TRAPPC9: variants seen among roughly 807,000 people sequenced by gnomAD.
TRAPPC9 encodes the protein trafficking protein particle complex subunit 9, also known as IKK2 binding protein.
Under a neutral mutation model 124.0 loss-of-function variants are expected in TRAPPC9, and 83 were observed. The observed-to-expected ratio is 0.67, with a 90% CI of 0.56 to 0.80. The LOEUF (loss-of-function observed/expected upper bound fraction) is 0.80. TRAPPC9 is among the 30% of genes least tolerant of loss of function. The pLI, the probability that TRAPPC9 is intolerant of heterozygous loss-of-function variation, is 0.00. For missense variants in TRAPPC9, 1,302 were observed against 1,508.3 expected, an observed-to-expected ratio of 0.86 and a Z score of 2.27; for synonymous variants, 638 against 617.5, an observed-to-expected ratio of 1.03 and a Z score of -0.49.
At chr8:140,127,286 C>T (rs943138324) in intron 17 of TRAPPC9, among the ~76,000 whole-genome samples, 2 of 152,186 alleles carry the variant, frequency 1.3e-5, no homozygotes, top group African/African-American at 4.8e-5. Context: ...GGGCTCAGGA[C>T]ATATTTATCC....
intron 19 of TRAPPC9, among the ~76,000 whole-genome samples, chr8:139,922,496 T>C (rs556938907): frequency 1.3e-5 from 2 of 152,332 alleles, no homozygotes; most frequent in East Asian, 3.9e-4. Flanking sequence ...ATGGGTTTTG[T>C]CTTCACAAAG....
intron 19 of TRAPPC9, among the ~76,000 whole-genome samples, chr8:139,915,947 T>C (rs983672907): frequency 6.6e-6 from 1 of 152,264 alleles, no homozygotes; most frequent in Non-Finnish European, 1.5e-5. Context: ...TGAATGCACT[T>C]GGCACTTTGA....
intron 21 of TRAPPC9, among the ~76,000 whole-genome samples, chr8:139,737,703 T>C (rs1818292796): frequency 6.6e-6 from 1 of 152,200 alleles, no homozygotes; most frequent in Admixed American, 6.5e-5. Flanking sequence ...CCCAGGCTCC[T>C]GATTGGCTGG....
intron 6 of TRAPPC9, among the ~76,000 whole-genome samples, chr8:140,404,792 GTA>G (rs1280433660): frequency 2.0e-5 from 3 of 151,612 alleles, no homozygotes; most frequent in Admixed American, 6.6e-5. Flanking sequence ...ATGCTTGTAT[GTA>G]TGTGTGTGTG....
intron 17 of TRAPPC9, among the ~76,000 whole-genome samples, chr8:140,195,648 ACACT>A (rs1259152058): frequency 4.6e-5 from 7 of 151,958 alleles, no homozygotes; most frequent in Non-Finnish European, 5.9e-5. Context: ...ACACTAAAAC[ACACT>A]CAATGATCCA....
intron 21 of TRAPPC9, among the ~76,000 whole-genome samples, chr8:139,753,032 T>C (rs910392532): frequency 2.1e-5 from 3 of 146,188 alleles, no homozygotes; most frequent in African/African-American, 7.8e-5. Flanking sequence ...CATCCATCCA[T>C]CCAACATCTA....
At chr8:140,221,965 ATG>A (rs2063347182) in intron 16 of TRAPPC9, among the ~76,000 whole-genome samples, 2 of 152,278 alleles carry the variant, frequency 1.3e-5, no homozygotes, top group South Asian at 4.1e-4. Flanking sequence ...CAGCTGCCTG[ATG>A]TGTCCTCCAT....
upstream of TRAPPC9, chr8:140,458,174 G>C: frequency 6.5e-7 from 1 of 1,541,958 alleles, no homozygotes; most frequent in African/African-American, 1.4e-5. Flanking sequence ...GAGATGGAGC[G>C]AGGAGGGAGG....
In TRAPPC9 at chr8:140,179,579, A is replaced by G. The variant is rs191643968; in HGVS notation, c.2556+41880T>C. Among the ~76,000 whole-genome samples the G allele has an allele frequency of 1.5e-3, 227 of 152,234 alleles. 1 individual carries two copies. Among genetic ancestry groups the G allele is most frequent in the African/African-American group, 5.2e-3 (216 of 41,580 alleles). On this transcript the variant is annotated intron_variant, in intron 17 of 22. Coordinates refer to ENST00000438773, the MANE Select transcript of TRAPPC9 (RefSeq NM_001160372.4). ...GTTGTTAAGCAATCTAGAAATGTGA[A>G]CTAGATCAAATTGGTTGTGAGTGTC...
chr8:139,957,906 T>C (rs1375987201), intron 19 of TRAPPC9, among the ~76,000 whole-genome samples: 1 of 152,252 alleles, frequency 6.6e-6, no homozygotes, highest in African/African-American at 2.4e-5. Flanking sequence ...TGACGTCGTT[T>C]CTGTTCCCAA....
rs903515035 is a variant in TRAPPC9, at chr8:139,824,427, C to T, written c.3055+61452G>A. On this transcript the variant is annotated intron_variant, in intron 21 of 22. Coordinates refer to ENST00000438773, the MANE Select transcript of TRAPPC9 (RefSeq NM_001160372.4). ...GGAGCTGCCAGGGCCACAGGAGAGG[C>T]AGTGGAGCACGTCGGGCGGTGGAGG... is the stretch of plus-strand genomic sequence containing the variant. Among the ~76,000 whole-genome samples, 4 of 152,176 alleles carry T rather than the reference C, an allele frequency of 2.6e-5. No individual in the cohort carries two copies. In the East Asian group the frequency reaches 7.7e-4, roughly 29 times the overall value.
intron 19 of TRAPPC9, among the ~76,000 whole-genome samples, chr8:139,973,322 T>C (rs1836224202): frequency 1.3e-5 from 2 of 152,140 alleles, no homozygotes; most frequent in Non-Finnish European, 2.9e-5. Context: ...CCCTGGACAG[T>C]CCAGGTTTAG....
chr8:140,319,979 T>C (rs117475220), intron 9 of TRAPPC9, among the ~76,000 whole-genome samples: 2,458 of 152,272 alleles, frequency 0.016, 22 homozygotes, highest in South Asian at 0.034. Flanking sequence ...TTCAGTCAGT[T>C]ATGGTACTCT....
At chr8:140,122,879 G>C (rs2061013507) in intron 17 of TRAPPC9, among the ~76,000 whole-genome samples, 1 of 152,202 alleles carries the variant, frequency 6.6e-6, no homozygotes, top group African/African-American at 2.4e-5. Context: ...TGAGGCTGGG[G>C]TCAGAAACAT....
At chr8:139,969,623 A>T (rs370486429) in intron 19 of TRAPPC9, among the ~76,000 whole-genome samples, 2 of 152,298 alleles carry the variant, frequency 1.3e-5, no homozygotes, top group East Asian at 3.9e-4. Context: ...TGCAGCTAAC[A>T]CTGAAGGGCT....
intron 21 of TRAPPC9, among the ~76,000 whole-genome samples, chr8:139,814,718 GAAAGGAAAGGAA>G (rs953072669): frequency 4.6e-5 from 7 of 151,452 alleles, no homozygotes; most frequent in African/African-American, 9.8e-5. Flanking sequence ...AAAAAGAAAG[GAAAGGAAAGGAA>G]AAAGGAAAGG....
intron 7 of TRAPPC9, among the ~76,000 whole-genome samples, chr8:140,380,971 G>A (rs565401687): frequency 2.7e-4 from 41 of 152,134 alleles, no homozygotes; most frequent in African/African-American, 9.9e-4. Flanking sequence ...CTGGGAGGCC[G>A]AGGCAGGTGG....
intron 9 of TRAPPC9, among the ~76,000 whole-genome samples, chr8:140,332,661 T>G (rs1190782694): frequency 6.6e-6 from 1 of 151,854 alleles, no homozygotes; most frequent in African/African-American, 2.4e-5. Flanking sequence ...AGATAATAAA[T>G]TATTAGAATC....
chr8:139,859,595 A>G (rs1828005068), intron 21 of TRAPPC9, among the ~76,000 whole-genome samples: 1 of 152,194 alleles, frequency 6.6e-6, no homozygotes, highest in Admixed American at 6.5e-5. Flanking sequence ...AACCGGAGAC[A>G]CTCAGCCTAC....
Sources: allele counts gnomAD v4.1 joint callset (sites outside exome capture counted in the v4.1 genomes callset), GRCh38; gene constraint gnomAD v4.1.1; transcripts MANE v1.5; gene names NCBI Gene and HGNC (gene_info 2026-07-23, HGNC 2026-07-21).